The following ANKHD1 variants were observed in gnomAD, a reference collection of about 807,000 sequenced individuals.
ANKHD1 encodes ankyrin repeat and KH domain containing 1.
ANKHD1 carries 31 observed loss-of-function variants against 230.5 expected under a neutral mutation model. The observed-to-expected ratio is 0.13, with a 90% CI of 0.10 to 0.18. ANKHD1 has a LOEUF of 0.18. ANKHD1 is among the 10% of genes least tolerant of loss of function. The probability of loss-of-function intolerance (pLI) is 1.00; values close to 1 mark genes in which losing one functional copy is unlikely to be tolerated. For missense variants in ANKHD1, 2,256 were observed against 3,071.3 expected, an observed-to-expected ratio of 0.73 and a Z score of 6.27; for synonymous variants, 1,074 against 1,117.6, an observed-to-expected ratio of 0.96 and a Z score of 0.78.
At position 140,507,865 on chromosome 5, in the gene ANKHD1, A is replaced by G; in HGVS notation, c.3632A>G (p.Asp1211Gly). 1 of 1,614,166 alleles carries G rather than the reference A, an allele frequency of 6.2e-7. No homozygotes were observed. Among genetic ancestry groups the G allele is most frequent in the Non-Finnish European group, 8.5e-7 (1 of 1,180,042 alleles). ...GHVPAVKLLL[D>G]MGSDINAQIE... ...GTTCCTGCAGTAAAATTGCTGCTCG[A>G]TATGGGTTCAGACATTAATGCCCAA... Residue 1211 changes from aspartate to glycine, a missense_variant, in exon 20 of 34, where the codon GAT becomes GGT. Around this residue, in one of 13 missense-constraint regions of ANKHD1, gnomAD observed 195 missense variants for 340.3 expected, o/e 0.57. Transcript: ENST00000360839. This position sits in a 1 kb window ranked among gnomAD's most constrained non-coding sequence, Gnocchi z 4.1.
chr5:140,473,103 C>T (rs1406918022), intron 10 of ANKHD1, among the ~76,000 whole-genome samples: 2 of 150,878 alleles, frequency 1.3e-5, no homozygotes, highest in Admixed American at 1.3e-4. Flanking sequence ...ATCTTGGCTC[C>T]CTGCAGCCTC....
chr5:140,488,270 G>C (rs997108526), intron 14 of ANKHD1, among the ~76,000 whole-genome samples: 9 of 151,970 alleles, frequency 5.9e-5, no homozygotes, highest in African/African-American at 2.2e-4. Flanking sequence ...AGTAACTTTG[G>C]CTTTGGAAAC....
intron 26 of ANKHD1, 124 bp downstream of exon 26, chr5:140,526,567 A>G (rs915456854): frequency 1.4e-5 from 17 of 1,250,856 alleles, no homozygotes; most frequent in Admixed American, 1.3e-4. Context: ...CACATTATCT[A>G]TCTTCAATAT....
At chr5:140,538,410 T>C in intron 32 of ANKHD1, 149 bp downstream of exon 32, 3 of 1,356,892 alleles carry the variant, frequency 2.2e-6, no homozygotes, top group Non-Finnish European at 3.0e-6. Context: ...CACAGAGTTG[T>C]CCACAGTAGT....
intron 29 of ANKHD1, 119 bp from the exon 30 acceptor site, chr5:140,535,243 T>C: frequency 7.0e-7 from 1 of 1,429,586 alleles, no homozygotes; most frequent in South Asian, 1.5e-5. Context: ...AGCCACATGC[T>C]ATCTTTTATT....
intron 10 of ANKHD1, among the ~76,000 whole-genome samples, chr5:140,469,310 T>C (rs1374898756): frequency 7.3e-6 from 1 of 136,256 alleles, no homozygotes; most frequent in African/African-American, 2.8e-5. Flanking sequence ...CAAACCAGCC[T>C]GGGCAACGTG....
chr5:140,427,648 T>C (rs1449377566), intron 1 of ANKHD1, among the ~76,000 whole-genome samples: 2 of 139,102 alleles, frequency 1.4e-5, no homozygotes, highest in Admixed American at 7.0e-5. Flanking sequence ...GGCGGGGGGC[T>C]GACCCCCCCA....
rs567465770 is a variant in ANKHD1, at chr5:140,504,948, A to G, written c.3132A>G (p.Ser1044=). The G allele has an allele frequency of 4.1e-5, 66 of 1,614,124 alleles. 1 individual carries two copies. In the South Asian group the frequency reaches 4.8e-4, roughly 12 times the overall value. Residue 1044 remains serine (S), a synonymous_variant, in exon 16 of 34, where the codon TCA becomes TCG. Transcript: ENST00000360839. ...AATCGATGCCTCCTGTGTATCCTTC[A>G]GTTGACATTGATGCACATGTGAGTA... The part of the protein sequence containing the change: ...ASQSMPPVYP[S]VDIDAHTESN...
intron 10 of ANKHD1, among the ~76,000 whole-genome samples, chr5:140,471,804 G>A (rs928241112): frequency 3.9e-5 from 6 of 152,112 alleles, no homozygotes; most frequent in African/African-American, 1.4e-4. Context: ...GAAGCCTTAA[G>A]TACATTTATA....
At chr5:140,405,156 A>T (rs527474395) in intron 1 of ANKHD1, among the ~76,000 whole-genome samples, 2 of 152,236 alleles carry the variant, frequency 1.3e-5, no homozygotes, top group African/African-American at 4.8e-5. Context: ...ATGTTAGAAG[A>T]GCCCCATATT....
At chr5:140,479,819 G>A (rs1309676773) in intron 10 of ANKHD1, among the ~76,000 whole-genome samples, 5 of 149,860 alleles carry the variant, frequency 3.3e-5, no homozygotes, top group African/African-American at 9.8e-5. Flanking sequence ...GGGAATATAT[G>A]TGTGTAATGT....
chr5:140,523,807 G>A (rs1017786214), intron 24 of ANKHD1, among the ~76,000 whole-genome samples: 10 of 151,804 alleles, frequency 6.6e-5, no homozygotes, highest in South Asian at 2.1e-4. Flanking sequence ...GTAATCCACC[G>A]ACCTCGGCCT....
In ANKHD1 at chr5:140,492,090, C is replaced by A. The variant is rs114324626; in HGVS notation, c.2246-4430C>A. 3.7e-3 allele frequency among the ~76,000 whole-genome samples: 570 copies of A among 152,188 alleles called. 6 individuals carry two copies. The highest frequency in any genetic ancestry group is 0.013 in the African/African-American group (556 of 41,516). On this transcript the variant is annotated intron_variant, in intron 14 of 33. Transcript: ENST00000360839. ...TAGAGTTGCTTTTTGGAGTAAGTGA[C>A]ATGAAAAGTTCTCACATTTTTATAT...
At chr5:140,475,612 G>T (rs1750922150) in intron 10 of ANKHD1, among the ~76,000 whole-genome samples, 1 of 152,164 alleles carries the variant, frequency 6.6e-6, no homozygotes, top group East Asian at 1.9e-4. Context: ...GTCGTTAATG[G>T]AAGAAACAGA....
intron 21 of ANKHD1, 92 bp from the exon 22 acceptor site, chr5:140,509,927 C>A (rs920192256): frequency 1.4e-5 from 21 of 1,540,738 alleles, no homozygotes; most frequent in Non-Finnish European, 1.7e-5. Context: ...AGATTATTTG[C>A]AAGTTATTTT....
chr5:140,521,630 T>TA (rs1753354407), intron 24 of ANKHD1, among the ~76,000 whole-genome samples: 1 of 152,172 alleles, frequency 6.6e-6, no homozygotes, highest in South Asian at 2.1e-4. Flanking sequence ...AATGTTTTTT[T>TA]AAAATAGCAT....
rs111893699 is a variant in ANKHD1 at position 140,538,215 on chromosome 5, A to G, written c.7358A>G (p.Asn2453Ser). The G allele has an allele frequency of 5.9e-4, 954 of 1,614,132 alleles. 4 individuals carry two copies. The African/African-American group carries it at 6.6e-3, about 11-fold the overall frequency. Residue 2453 changes from asparagine (N) to serine (S), a missense_variant, in exon 32 of 34, where the codon AAC (asparagine) becomes AGC (serine). This residue lies in a region of ANKHD1 where 778 missense variants were observed against 966.5 expected (regional missense o/e 0.80). Transcript: ENST00000360839. ...RDDSGMVAPS[N>S]IFHQPMASGF... Reference sequence around the variant, plus strand: ...GATTCTGGAATGGTAGCCCCCTCTAACATTTTTCATCAGCCTATGGCAAGT... The same window carrying G: ...GATTCTGGAATGGTAGCCCCCTCTAGCATTTTTCATCAGCCTATGGCAAGT...
intron 24 of ANKHD1, among the ~76,000 whole-genome samples, chr5:140,516,906 A>G (rs1753040267): frequency 6.6e-6 from 1 of 152,126 alleles, no homozygotes; most frequent in Non-Finnish European, 1.5e-5. Flanking sequence ...AACAGCTAAC[A>G]TCATAATGAC....
At chr5:140,419,792 T>C (rs13174336) in intron 1 of ANKHD1, among the ~76,000 whole-genome samples, 19,671 of 60,990 alleles carry the variant, frequency 0.32, 1,678 homozygotes, top group East Asian at 0.51. Flanking sequence ...CTTTCTTTCT[T>C]TCTTTCTTTC....
Sources: gnomAD v4.1 joint callset for allele counts (sites outside exome capture counted in the v4.1 genomes callset) on GRCh38, gnomAD v4.1.1 for gene constraint, gnomAD v4.1.1 regional missense constraint, Gnocchi (gnomAD v3.1) non-coding constraint, MANE v1.5 for transcripts, NCBI Gene and HGNC (gene_info 2026-07-23, HGNC 2026-07-21) for gene names.